SKA3: variants seen among roughly 807,000 people sequenced by gnomAD.
The protein encoded by SKA3 is spindle and kinetochore-associated protein 3.
A neutral mutation model predicts 44.2 loss-of-function variants in SKA3; 39 were observed. The ratio of observed to expected loss-of-function variants is 0.88; its 90% CI spans 0.68 to 1.15. The LOEUF is 1.15. SKA3 is among the 50% of genes most tolerant of loss of function. The pLI is 0.00. For missense variants in SKA3, 511 were observed against 485.8 expected, an observed-to-expected ratio of 1.05 and a Z score of -0.49; for synonymous variants, 192 against 172.0, an observed-to-expected ratio of 1.12 and a Z score of -0.91.
rs754157586 is a variant in SKA3, at chr13:21,168,189, T to C, written c.542A>G (p.Asn181Ser). 8 of 1,614,148 alleles carry C rather than the reference T, an allele frequency of 5.0e-6. No individual in the cohort carries two copies. Among genetic ancestry groups the C allele is most frequent in the Non-Finnish European group, 6.8e-6 (8 of 1,179,990 alleles). ...TACAATTACGGGCTCTTCCTTATAG[T>C]TGTTCACTGCCTGTGGAGGGTTTGG... The part of the protein sequence containing the change: ...VLPNPPQAVN[N>S]YKEEPVIVTP... The change falls in exon 4 of 9, where the codon AAC becomes AGC. Residue 181 changes from asparagine (N) to serine (S), a missense_variant. By Grantham distance (46) the Asn-to-Ser change is conservative. Coordinates refer to ENST00000314759, the MANE Select transcript of SKA3 (RefSeq NM_145061.6).
intron 4 of SKA3, 105 bp downstream of exon 4, chr13:21,167,883 A>T (rs1017976255): frequency 1.1e-6 from 1 of 874,558 alleles, no homozygotes; most frequent in Non-Finnish European, 1.5e-6. Context: ...AAAACTTTTT[A>T]AAGCAAAAAT....
chr13:21,166,670 T>C (rs1224935016), intron 4 of SKA3, among the ~76,000 whole-genome samples: 2 of 152,214 alleles, frequency 1.3e-5, no homozygotes, highest in Middle Eastern at 3.4e-3. Flanking sequence ...GTGGTGGAGG[T>C]TGCAGTGAGC....
chr13:21,171,797 C>T (rs577594919), intron 3 of SKA3, among the ~76,000 whole-genome samples: 1 of 152,260 alleles, frequency 6.6e-6, no homozygotes, highest in South Asian at 2.1e-4. Flanking sequence ...AATAATACAG[C>T]TATTAAGTGG....
chr13:21,174,981 GAT>G (rs1299155209), intron 1 of SKA3, among the ~76,000 whole-genome samples: 2 of 152,108 alleles, frequency 1.3e-5, no homozygotes, highest in African/African-American at 4.8e-5. Context: ...ACCATCTGAA[GAT>G]AGTTTTTTCT....
At chr13:21,165,022 C>G (rs1365490262) in intron 4 of SKA3, among the ~76,000 whole-genome samples, 2 of 151,944 alleles carry the variant, frequency 1.3e-5, no homozygotes, top group Admixed American at 1.3e-4. Context: ...GATAACTTAT[C>G]TATATTTTCT....
At position 21,155,718 on chromosome 13, in the gene SKA3, G is replaced by C. The variant is rs201972350; in HGVS notation, c.1213C>G (p.Arg405Gly). 1 of 1,605,388 alleles carries C rather than the reference G, an allele frequency of 6.2e-7. No homozygotes were observed. Residue 405 changes from arginine (R) to glycine (G), a missense_variant, in exon 8 of 9, where the codon CGA (arginine) becomes GGA (glycine). Transcript: ENST00000314759. ...KRFLKHGQNI[R>G]DVSNKEN ...CAGTTTTCTTTGTTGCTGACATCTC[G>C]GATGTTCTGTCCATGTTTAAGGAAC...
chr13:21,158,215 T>A, intron 6 of SKA3, 90 bp from the exon 7 acceptor site: 9 of 839,622 alleles, frequency 1.1e-5, no homozygotes, highest in Non-Finnish European at 1.5e-5. Flanking sequence ...TCTATTGGGG[T>A]CTCTAATAGG....
In SKA3 at chr13:21,155,761, T is replaced by G; in HGVS notation, c.1170A>C (p.Ala390=). ...TAAGGAACCTTTTACTGGGTGGCAC[T>G]GCTTTAATTGCTATTGGAGTAGCTA... is the stretch of plus-strand genomic sequence containing the variant. ...SNLATPIAIK[A]VPPSKRFLKH... The change falls in exon 8 of 9, where the codon GCA becomes GCC. Residue 390 remains alanine (A), a synonymous_variant. Coordinates refer to ENST00000314759, the MANE Select transcript of SKA3 (RefSeq NM_145061.6). 6.2e-7 allele frequency: 1 copy of G among 1,611,772 alleles called. No individual in the cohort carries two copies. The highest frequency in any genetic ancestry group is 1.3e-5 in the African/African-American group (1 of 74,808).
At chr13:21,168,611 C>T (rs917164773) in intron 3 of SKA3, among the ~76,000 whole-genome samples, 3 of 152,150 alleles carry the variant, frequency 2.0e-5, no homozygotes, top group Non-Finnish European at 4.4e-5. Flanking sequence ...ACTGCAGCCT[C>T]GACCTCCTGG....
At chr13:21,169,299 A>C (rs1870907202) in intron 3 of SKA3, among the ~76,000 whole-genome samples, 1 of 151,700 alleles carries the variant, frequency 6.6e-6, no homozygotes, top group Admixed American at 6.6e-5. Context: ...TGCAGTGGCA[A>C]TCTCGGCTCA....
chr13:21,157,423 T>C (rs1440304857), intron 7 of SKA3, among the ~76,000 whole-genome samples: 2 of 152,226 alleles, frequency 1.3e-5, no homozygotes, highest in Non-Finnish European at 2.9e-5. Flanking sequence ...CTGTCCTGAA[T>C]AGTGCAGGCA....
intron 1 of SKA3, among the ~76,000 whole-genome samples, chr13:21,174,191 A>C (rs1025459736): frequency 2.0e-5 from 3 of 152,258 alleles, no homozygotes; most frequent in African/African-American, 7.2e-5. Context: ...CAATTCCTCA[A>C]GGATCTAGAA....
At chr13:21,158,659 A>T (rs930038021) in intron 6 of SKA3, among the ~76,000 whole-genome samples, 2 of 152,142 alleles carry the variant, frequency 1.3e-5, no homozygotes, top group African/African-American at 4.8e-5. Context: ...AAAAACGCTT[A>T]ATGTCATAAC....
At chr13:21,172,844 TTTTATG>T in intron 1 of SKA3, 163 bp from the exon 2 acceptor site, 2 of 515,444 alleles carry the variant, frequency 3.9e-6, no homozygotes, top group Admixed American at 3.9e-5. Flanking sequence ...ACCGTACCTT[TTTTATG>T]TTTAGATACA....
Position 21,154,628 on chromosome 13 carries a change from G to T in SKA3, c.*522C>A. ...ATGGTCACAGTATATAGTTACCCAG[G>T]CCTGGAAATCTCCCTCTTTTCCTAA... On this transcript the variant is annotated 3_prime_UTR_variant, in exon 9 of 9. Coordinates refer to ENST00000314759, the MANE Select transcript of SKA3 (RefSeq NM_145061.6). The T allele has an allele frequency of 6.0e-6, 1 of 166,596 alleles. No individual in the cohort carries two copies. Among genetic ancestry groups the T allele is most frequent in the Non-Finnish European group, 1.3e-5 (1 of 76,196 alleles). The allele number at this position is 166,596 out of a possible 1,614,324, so 10.3% of individuals were successfully genotyped here.
At position 21,154,653 on chromosome 13, in the gene SKA3, A is replaced by G; in HGVS notation, c.*497T>C. On this transcript the variant is annotated 3_prime_UTR_variant, in exon 9 of 9. Transcript: ENST00000314759. ...GCCTGGAAATCTCCCTCTTTTCCTA[A>G]TTAGTTTAACTGGTGTTCCTGTTGT... 5.9e-6 allele frequency: 1 copy of G among 169,406 alleles called. No individual in the cohort carries two copies. Among genetic ancestry groups the G allele is most frequent in the South Asian group, 1.5e-4 (1 of 6,744 alleles). 10.5% of individuals were successfully genotyped at this position (169,406 alleles called of 1,614,324 possible). A position where few individuals can be genotyped will look rare whatever the true frequency, so the allele number is the denominator to read the frequency against.
chr13:21,155,423 T>C (rs541024976), intron 8 of SKA3, among the ~76,000 whole-genome samples: 60 of 151,846 alleles, frequency 4.0e-4, no homozygotes, highest in Non-Finnish European at 7.5e-4. Flanking sequence ...TTTTTTTTTT[T>C]TTTAGATGGA....
intron 4 of SKA3, among the ~76,000 whole-genome samples, chr13:21,162,526 T>C (rs1364511844): frequency 6.6e-6 from 1 of 151,976 alleles, no homozygotes; most frequent in East Asian, 1.9e-4. Context: ...CCACTGCGCC[T>C]GGCTAATGTT....
chr13:21,170,849 A>T (rs1207231814), intron 3 of SKA3, among the ~76,000 whole-genome samples: 2 of 152,226 alleles, frequency 1.3e-5, no homozygotes, highest in Non-Finnish European at 2.9e-5. Flanking sequence ...GCTCTTTCAC[A>T]CCAAAGTCAA....
Sources: gnomAD v4.1 joint callset for allele counts (sites outside exome capture counted in the v4.1 genomes callset) on GRCh38, gnomAD v4.1.1 for gene constraint, MANE v1.5 for transcripts, NCBI Gene and HGNC (gene_info 2026-07-23, HGNC 2026-07-21) for gene names.